SDK1: variants seen among roughly 807,000 people sequenced by gnomAD.
SDK1 encodes the protein protein sidekick-1.
A neutral mutation model predicts 245.5 loss-of-function variants in SDK1; 157 were observed. That is an observed-to-expected ratio of 0.64 (90% CI 0.56 to 0.73). SDK1 has a LOEUF of 0.73. Ranked by LOEUF, SDK1 falls within the 30% of genes least tolerant of loss-of-function variation. The probability of loss-of-function intolerance (pLI) is 0.00; values close to 1 mark genes in which losing one functional copy is unlikely to be tolerated. For synonymous variants in SDK1, 1,647 were observed against 1,278.5 expected, an observed-to-expected ratio of 1.29 and a Z score of -6.15; for missense variants, 3,583 against 3,002.3, an observed-to-expected ratio of 1.19 and a Z score of -4.52.
intron 4 of SDK1, among the ~76,000 whole-genome samples, chr7:3,742,841 A>T (rs2115054461): frequency 6.6e-6 from 1 of 152,328 alleles, no homozygotes; most frequent in East Asian, 1.9e-4. Context: ...GGTCGAATGG[A>T]TCGGTTATTG....
intron 5 of SDK1, among the ~76,000 whole-genome samples, chr7:3,874,647 A>C (rs906358208): frequency 6.6e-6 from 1 of 151,804 alleles, no homozygotes; most frequent in African/African-American, 2.4e-5. Flanking sequence ...CCCTGCCCTC[A>C]TGCTACAGTT....
chr7:4,124,623 A>G (rs924297808), intron 25 of SDK1, among the ~76,000 whole-genome samples: 1 of 152,200 alleles, frequency 6.6e-6, no homozygotes, highest in Non-Finnish European at 1.5e-5. Flanking sequence ...TAGGATAACA[A>G]AATAAGGATT....
intron 4 of SDK1, among the ~76,000 whole-genome samples, chr7:3,768,323 C>G (rs1226530298): frequency 6.6e-6 from 1 of 152,048 alleles, no homozygotes; most frequent in African/African-American, 2.4e-5. Flanking sequence ...GTGAAGGTCC[C>G]CAAAACTCAA....
chr7:3,970,993 G>A (rs1282461665), intron 11 of SDK1, among the ~76,000 whole-genome samples: 5 of 152,036 alleles, frequency 3.3e-5, no homozygotes, highest in African/African-American at 7.2e-5. Flanking sequence ...ATCTCTGAGC[G>A]TCCATCTTCC....
intron 5 of SDK1, among the ~76,000 whole-genome samples, chr7:3,844,063 C>A (rs1020956560): frequency 6.6e-6 from 1 of 152,100 alleles, no homozygotes; most frequent in Non-Finnish European, 1.5e-5. Context: ...CTCCACCTCC[C>A]GGGTTCAAGT....
At chr7:3,810,317 A>G (rs1048386404) in intron 4 of SDK1, among the ~76,000 whole-genome samples, 22 of 151,412 alleles carry the variant, frequency 1.5e-4, no homozygotes, top group African/African-American at 3.9e-4. Flanking sequence ...TATTCCGCAC[A>G]TTTTGTTTAA....
rs11269597 is a variant in SDK1, at chr7:3,466,979, TACACACACACACACACAC to T, written c.299-152067_299-152050del. 3.4e-3 allele frequency among the ~76,000 whole-genome samples: 438 copies of T among 127,594 alleles called. 3 individuals are homozygous for T. Among genetic ancestry groups the T allele is most frequent in the African/African-American group, 5.2e-3 (169 of 32,702 alleles). The allele number at this position is 127,594 out of a possible 152,430, so 83.7% of individuals were successfully genotyped here. A position where few individuals can be genotyped will look rare whatever the true frequency, so the allele number is the denominator to read the frequency against. ...TCGAAATCTCTCTCCTCTCTCTCTC[TACACACACACACACACAC>T]ACACACACACACACACACACACACA... is the stretch of plus-strand genomic sequence containing the variant. On this transcript the variant is annotated intron_variant, in intron 1 of 44. Coordinates refer to ENST00000404826, the MANE Select transcript of SDK1 (RefSeq NM_152744.4).
chr7:3,886,642 A>T (rs1781345948), intron 5 of SDK1, among the ~76,000 whole-genome samples: 1 of 152,234 alleles, frequency 6.6e-6, no homozygotes, highest in African/African-American at 2.4e-5. Flanking sequence ...TTGGCCAGAC[A>T]TGGTGGTAAC....
chr7:3,409,412 G>A (rs1271915300), intron 1 of SDK1, among the ~76,000 whole-genome samples: 1 of 151,606 alleles, frequency 6.6e-6, no homozygotes, highest in Non-Finnish European at 1.5e-5. Flanking sequence ...CTCGCTGCCT[G>A]TACAGTCAGG....
chr7:3,361,123 A>G (rs530292253), intron 1 of SDK1, among the ~76,000 whole-genome samples: 12 of 152,338 alleles, frequency 7.9e-5, no homozygotes. Flanking sequence ...CCTAGAAAAA[A>G]ATCTGCAATT....
intron 1 of SDK1, among the ~76,000 whole-genome samples, chr7:3,381,764 T>C (rs1182635065): frequency 2.0e-5 from 3 of 152,070 alleles, no homozygotes; most frequent in African/African-American, 7.2e-5. Flanking sequence ...GGACAGAAAT[T>C]CTAGAGAGCA....
At chr7:3,775,514 C>A (rs906055143) in intron 4 of SDK1, among the ~76,000 whole-genome samples, 79 of 151,738 alleles carry the variant, frequency 5.2e-4, no homozygotes, top group African/African-American at 1.5e-3. Flanking sequence ...TGGTCATTCA[C>A]ACTGATGTTT....
At chr7:3,538,296 T>G (rs1778951052) in intron 1 of SDK1, among the ~76,000 whole-genome samples, 1 of 152,186 alleles carries the variant, frequency 6.6e-6, no homozygotes, top group Non-Finnish European at 1.5e-5. Context: ...GCTGTCCGCA[T>G]TTTGTCTTTT....
In SDK1 at chr7:4,224,801, T is replaced by C. The variant is rs192032180; in HGVS notation, c.5827+3437T>C. Among the ~76,000 whole-genome samples, 350 of 151,296 alleles carry C rather than the reference T, an allele frequency of 2.3e-3. 2 individuals are homozygous for C. Among genetic ancestry groups the C allele is most frequent in the Admixed American group, 5.1e-3 (77 of 15,176 alleles). On this transcript the variant is annotated intron_variant, in intron 40 of 44. Coordinates refer to ENST00000404826, the MANE Select transcript of SDK1 (RefSeq NM_152744.4). ...TTTAAGACCAGCCTGACCAACATGG[T>C]GAAACCCAGTCTGTACTACAAATAG... is the stretch of plus-strand genomic sequence containing the variant.
chr7:3,787,914 C>T (rs954795266), intron 4 of SDK1, among the ~76,000 whole-genome samples: 4 of 152,146 alleles, frequency 2.6e-5, no homozygotes, highest in South Asian at 4.1e-4. Context: ...GTGTCACATG[C>T]GGTTGCACAG....
At chr7:3,798,187 C>G (rs1779012454) in intron 4 of SDK1, among the ~76,000 whole-genome samples, 2 of 148,072 alleles carry the variant, frequency 1.4e-5, no homozygotes, top group African/African-American at 5.0e-5. Context: ...AATCTGTGAC[C>G]TTGTCTTCCA....
Position 3,459,678 on chromosome 7 carries a change from C to T in SDK1, c.298+157794C>T, listed in dbSNP as rs1049852790. 4.6e-5 allele frequency among the ~76,000 whole-genome samples: 7 copies of T among 152,146 alleles called. No homozygotes were observed. In the South Asian group the frequency reaches 1.2e-3, roughly 27 times the overall value. On this transcript the variant is annotated intron_variant, in intron 1 of 44. Transcript: ENST00000404826. ...CCCCACCCCATAAATTGCTTCGTCG[C>T]ATATTGTTGGGAAGACCTTGGTCAC...
chr7:3,865,999 A>T (rs1376151139), intron 5 of SDK1, among the ~76,000 whole-genome samples: 1 of 152,224 alleles, frequency 6.6e-6, no homozygotes, highest in African/African-American at 2.4e-5. Flanking sequence ...ATCAGAAAGG[A>T]GATGGGGATG....
intron 5 of SDK1, among the ~76,000 whole-genome samples, chr7:3,920,724 G>A (rs1046159488): frequency 2.6e-5 from 4 of 151,990 alleles, no homozygotes; most frequent in African/African-American, 9.7e-5. Flanking sequence ...CCTCAGATAA[G>A]ATGACCCAGG....
Sources: gnomAD v4.1 joint callset for allele counts (sites outside exome capture counted in the v4.1 genomes callset) on GRCh38, gnomAD v4.1.1 for gene constraint, MANE v1.5 for transcripts, NCBI Gene and HGNC (gene_info 2026-07-23, HGNC 2026-07-21) for gene names.